The following SGCZ variants were observed in gnomAD, a reference collection of about 807,000 sequenced individuals.
SGCZ encodes sarcoglycan zeta.
SGCZ carries 40 observed loss-of-function variants against 41.3 expected under a neutral mutation model. That is an observed-to-expected ratio of 0.97 (90% confidence interval 0.75 to 1.26). SGCZ has a LOEUF of 1.26. Among genes scored for constraint, SGCZ ranks in the 50% most tolerant of loss-of-function variants. SGCZ has a pLI of 0.00. For missense variants in SGCZ, 552 were observed against 369.8 expected (o/e 1.49, Z -4.04); for synonymous variants, 206 against 137.5 (o/e 1.50, Z -3.49).
At chr8:14,260,156 G>C (rs543867402) in intron 3 of SGCZ, among the ~76,000 whole-genome samples, 1 of 152,064 alleles carries the variant, frequency 6.6e-6, no homozygotes, top group East Asian at 1.9e-4. Context: ...AGAGTGAACA[G>C]GCAACCTACA....
intron 1 of SGCZ, among the ~76,000 whole-genome samples, chr8:14,997,133 C>G (rs1196720268): frequency 6.6e-6 from 1 of 152,162 alleles, no homozygotes; most frequent in African/African-American, 2.4e-5. Flanking sequence ...GATTGCATAT[C>G]TCTTTGCTTT....
rs79109440 is a variant in SGCZ at position 14,974,389 on chromosome 8, G to A, written c.39+263196C>T. Among the ~76,000 whole-genome samples, 2,095 of 152,198 alleles carry A rather than the reference G, an allele frequency of 0.014. 85 individuals are homozygous for A. The East Asian group carries it at 0.16, about 12-fold the overall frequency. Reference sequence around the variant, plus strand: ...CAGAATCACATAGAACATACAACTGGGAACTTGAAATTAGCATGTGATACC... The same window carrying A: ...CAGAATCACATAGAACATACAACTGAGAACTTGAAATTAGCATGTGATACC... On this transcript the variant is annotated intron_variant, in intron 1 of 7. Transcript: ENST00000382080.
chr8:14,338,378 G>A (rs899804960), intron 2 of SGCZ, among the ~76,000 whole-genome samples: 8 of 152,282 alleles, frequency 5.3e-5, no homozygotes, highest in African/African-American at 1.9e-4. Context: ...AGACACCCAC[G>A]TGGGTAGCTT....
chr8:15,211,400 C>T (rs1194600191), intron 1 of SGCZ, among the ~76,000 whole-genome samples: 2 of 152,058 alleles, frequency 1.3e-5, no homozygotes, highest in African/African-American at 4.8e-5. Flanking sequence ...TTCTTTTTCT[C>T]ATTGTCCATA....
intron 1 of SGCZ, among the ~76,000 whole-genome samples, chr8:14,806,408 G>T (rs868514091): frequency 1.1e-3 from 159 of 150,784 alleles, no homozygotes; most frequent in Non-Finnish European, 1.9e-3. Context: ...TATCACCACC[G>T]ATCCCACAGA....
intron 4 of SGCZ, among the ~76,000 whole-genome samples, chr8:14,178,118 C>G (rs924076890): frequency 6.6e-6 from 1 of 151,684 alleles, no homozygotes. Flanking sequence ...CCATCACCCC[C>G]GGCTAATTGT....
chr8:14,649,009 C>G (rs1490274258), intron 1 of SGCZ, among the ~76,000 whole-genome samples: 1 of 152,062 alleles, frequency 6.6e-6, no homozygotes, highest in Non-Finnish European at 1.5e-5. Context: ...AACAGTCATA[C>G]CAACTATAGT....
intron 1 of SGCZ, among the ~76,000 whole-genome samples, chr8:14,568,582 T>C (rs1804455482): frequency 1.3e-5 from 2 of 152,158 alleles, no homozygotes; most frequent in Non-Finnish European, 1.5e-5. Context: ...ACTCCTTTGC[T>C]TGCAATTCTT....
chr8:14,400,620 G>T (rs2117244280), intron 2 of SGCZ, among the ~76,000 whole-genome samples: 1 of 152,146 alleles, frequency 6.6e-6, no homozygotes, highest in East Asian at 1.9e-4. Context: ...TATATTATGT[G>T]ACCAGACCAC....
intron 1 of SGCZ, among the ~76,000 whole-genome samples, chr8:14,883,781 T>TTG (rs1804684148): frequency 2.2e-5 from 3 of 139,278 alleles, no homozygotes; most frequent in South Asian, 4.3e-4. Flanking sequence ...CTGTTGTTTT[T>TTG]TTTTTTTTTT....
chr8:14,695,815 A>G (rs1258756004), intron 1 of SGCZ, among the ~76,000 whole-genome samples: 1 of 152,116 alleles, frequency 6.6e-6, no homozygotes, highest in African/African-American at 2.4e-5. Flanking sequence ...GGAGGGGGCC[A>G]AGAAATGATG....
intron 1 of SGCZ, among the ~76,000 whole-genome samples, chr8:14,950,904 G>A (rs944874689): frequency 3.9e-5 from 6 of 152,048 alleles, no homozygotes; most frequent in African/African-American, 1.2e-4. Context: ...AAATTTAAAT[G>A]GAAAGAGCCA....
intron 1 of SGCZ, among the ~76,000 whole-genome samples, chr8:14,617,393 C>G (rs563842190): frequency 6.6e-6 from 1 of 152,240 alleles, no homozygotes; most frequent in Non-Finnish European, 1.5e-5. Flanking sequence ...GATTATTTTA[C>G]TGTTCAAAAT....
chr8:14,311,354 C>A (rs1801536621), intron 3 of SGCZ, among the ~76,000 whole-genome samples: 3 of 152,222 alleles, frequency 2.0e-5, no homozygotes, highest in Admixed American at 1.3e-4. Context: ...AGAACAATAT[C>A]ATTCTGCAGC....
intron 1 of SGCZ, among the ~76,000 whole-genome samples, chr8:14,614,155 T>C (rs1057089892): frequency 6.6e-6 from 1 of 152,174 alleles, no homozygotes; most frequent in African/African-American, 2.4e-5. Context: ...CTAATGTCCG[T>C]TGCTAAATTA....
chr8:14,457,232 T>C (rs971309145), intron 2 of SGCZ, among the ~76,000 whole-genome samples: 6 of 152,148 alleles, frequency 3.9e-5, no homozygotes, highest in African/African-American at 9.7e-5. Flanking sequence ...CATACAGAGA[T>C]AGGAGCTGAG....
chr8:15,164,106 CCATT>C (rs1238539737), intron 1 of SGCZ, among the ~76,000 whole-genome samples: 1 of 152,214 alleles, frequency 6.6e-6, no homozygotes, highest in African/African-American at 2.4e-5. Flanking sequence ...ATCTCACTCA[CCATT>C]CAAATTGTCA....
intron 1 of SGCZ, among the ~76,000 whole-genome samples, chr8:14,680,132 A>G (rs1808396266): frequency 6.6e-6 from 1 of 152,082 alleles, no homozygotes; most frequent in African/African-American, 2.4e-5. Context: ...ACTATATGTG[A>G]TATTCTGGAA....
chr8:14,551,605 AT>A (rs1339498836), intron 2 of SGCZ, among the ~76,000 whole-genome samples: 1 of 59,906 alleles, frequency 1.7e-5, no homozygotes, highest in Non-Finnish European at 2.9e-5. Context: ...TATTATATAT[AT>A]TATATATATA....
Sources: gnomAD v4.1 joint callset for allele counts (sites outside exome capture counted in the v4.1 genomes callset) on GRCh38, gnomAD v4.1.1 for gene constraint, MANE v1.5 for transcripts, NCBI Gene and HGNC (gene_info 2026-07-23, HGNC 2026-07-21) for gene names.